Variants in IL1RAPL1 observed in about 807,000 individuals in gnomAD.
IL1RAPL1 encodes the protein interleukin-1 receptor accessory protein-like 1.
Under a neutral mutation model 48.4 loss-of-function variants are expected in IL1RAPL1, and 3 were observed. The ratio of observed to expected loss-of-function variants is 0.06; its 90% confidence interval spans 0.03 to 0.16. The LOEUF is 0.16. IL1RAPL1 is among the 10% of genes least tolerant of loss of function. IL1RAPL1 has a pLI of 1.00. For synonymous variants in IL1RAPL1, 185 were observed against 187.7 expected, an observed-to-expected ratio of 0.99 and a Z score of 0.12; for missense variants, 349 against 530.6, an observed-to-expected ratio of 0.66 and a Z score of 3.36.
At chrX:29,003,949 C>G (rs1925916358) in intron 2 of IL1RAPL1, among the ~76,000 whole-genome samples, 1 of 111,557 alleles carries the variant, frequency 9.0e-6, no homozygotes, top group Admixed American at 9.5e-5. Context: ...TGAGACCAAC[C>G]CGGCCAACAT....
intron 2 of IL1RAPL1, among the ~76,000 whole-genome samples, chrX:28,814,074 A>T (rs1276378980): frequency 3.6e-5 from 4 of 110,478 alleles, no homozygotes; most frequent in Non-Finnish European, 5.7e-5. Context: ...AATTAGAAAG[A>T]AAGAGAAATG....
intron 2 of IL1RAPL1, among the ~76,000 whole-genome samples, chrX:28,851,347 C>T (rs1287582758): frequency 1.8e-5 from 2 of 110,812 alleles, no homozygotes; most frequent in Non-Finnish European, 3.8e-5. Flanking sequence ...TGTGGATAGC[C>T]TCCCAGAGTT....
intron 2 of IL1RAPL1, among the ~76,000 whole-genome samples, chrX:29,194,922 C>G (rs956015195): frequency 3.6e-5 from 4 of 110,282 alleles, no homozygotes; most frequent in Non-Finnish European, 7.6e-5. Flanking sequence ...TATTGGAGAT[C>G]AAGTTCCACA....
Position 29,680,468 on chromosome X carries a change from G to A in IL1RAPL1, c.778+11964G>A, listed in dbSNP as rs144195276. Among the ~76,000 whole-genome samples the A allele has an allele frequency of 5.6e-3, 619 of 110,770 alleles. 3 individuals are homozygous for A. The highest frequency in any genetic ancestry group is 0.019 in the African/African-American group (576 of 30,440). On this transcript the variant is annotated intron_variant, in intron 6 of 10. Coordinates refer to ENST00000378993, the MANE Select transcript of IL1RAPL1 (RefSeq NM_014271.4). ...ATCACTATGGCATTAGAGGTGAGGG[G>A]CATTGGCTCAGTGGCTGTTGTGTGT... is the stretch of plus-strand genomic sequence containing the variant.
At chrX:29,700,500 A>G (rs1281883642) in intron 6 of IL1RAPL1, among the ~76,000 whole-genome samples, 1 of 112,017 alleles carries the variant, frequency 8.9e-6, no homozygotes, top group Non-Finnish European at 1.9e-5. Context: ...AATGGATGTG[A>G]AAAATGAAGG....
chrX:29,943,471 G>A (rs1340446463), intron 9 of IL1RAPL1, among the ~76,000 whole-genome samples: 1 of 111,923 alleles, frequency 8.9e-6, no homozygotes, highest in Non-Finnish European at 1.9e-5. Context: ...AAGTGTCCAA[G>A]ATGGGATTTG....
intron 2 of IL1RAPL1, among the ~76,000 whole-genome samples, chrX:28,814,691 A>G (rs1936839817): frequency 9.0e-6 from 1 of 110,526 alleles, no homozygotes; most frequent in African/African-American, 3.3e-5. Flanking sequence ...GATTATTGAA[A>G]TAGTTGGGTT....
chrX:29,926,104 G>A (rs1015217120), intron 8 of IL1RAPL1, among the ~76,000 whole-genome samples: 1 of 110,930 alleles, frequency 9.0e-6, no homozygotes, highest in African/African-American at 3.3e-5. Context: ...CACCTCCTGA[G>A]TTCAAGCAAT....
At chrX:28,842,977 T>C (rs1437239206) in intron 2 of IL1RAPL1, among the ~76,000 whole-genome samples, 1 of 108,813 alleles carries the variant, frequency 9.2e-6, no homozygotes, top group Non-Finnish European at 1.9e-5. Context: ...ATACTAGAAA[T>C]GCAAGCAAGT....
chrX:29,442,526 A>G (rs760438666), intron 5 of IL1RAPL1, among the ~76,000 whole-genome samples: 5 of 111,729 alleles, frequency 4.5e-5, no homozygotes, highest in Non-Finnish European at 7.5e-5. Flanking sequence ...CAAAACAAAA[A>G]CACACAAAGT....
At chrX:29,368,091 A>G (rs1455290586) in intron 3 of IL1RAPL1, among the ~76,000 whole-genome samples, 3 of 111,333 alleles carry the variant, frequency 2.7e-5, no homozygotes, top group Non-Finnish European at 5.7e-5. Context: ...AAGGATGATT[A>G]TGTTTGCACT....
chrX:28,889,903 A>G (rs746568568), intron 2 of IL1RAPL1, among the ~76,000 whole-genome samples: 1 of 111,060 alleles, frequency 9.0e-6, no homozygotes, highest in African/African-American at 3.3e-5. Context: ...TAAATCCTCT[A>G]TATTTTCTTA....
chrX:29,911,072 G>A (rs1338290737), intron 6 of IL1RAPL1, among the ~76,000 whole-genome samples: 2 of 111,714 alleles, frequency 1.8e-5, no homozygotes, highest in Admixed American at 9.5e-5. Flanking sequence ...CTTAGCAGCA[G>A]TATTCACAAT....
At chrX:29,121,197 T>C (rs1415997064) in intron 2 of IL1RAPL1, among the ~76,000 whole-genome samples, 3 of 111,828 alleles carry the variant, frequency 2.7e-5, no homozygotes, top group Non-Finnish European at 3.8e-5. Flanking sequence ...ATGACTCCAC[T>C]CACCACTGCT....
At chrX:28,870,899 T>C (rs1922190276) in intron 2 of IL1RAPL1, among the ~76,000 whole-genome samples, 1 of 111,912 alleles carries the variant, frequency 8.9e-6, no homozygotes, top group Admixed American at 9.6e-5. Flanking sequence ...TGTATGGGAA[T>C]TGTACTCAAG....
chrX:29,139,841 A>T lies in IL1RAPL1; in HGVS notation c.83-143097A>T, dbSNP rs1284539832. Among the ~76,000 whole-genome samples, 4 of 63,476 alleles carry T rather than the reference A, an allele frequency of 6.3e-5. No homozygotes were observed. The East Asian group carries it at 1.5e-3, about 24-fold the overall frequency. 55.1% of individuals were successfully genotyped at this position (63,476 alleles called of 115,157 possible). A position where few individuals can be genotyped will look rare whatever the true frequency, so the allele number is the denominator to read the frequency against. On this transcript the variant is annotated intron_variant, in intron 2 of 10. Coordinates refer to ENST00000378993, the MANE Select transcript of IL1RAPL1 (RefSeq NM_014271.4). ...ATTCTGGAATAAGATGTCATATAGT[A>T]ACATAAAATTTATATTAATGTATGT...
chrX:29,816,851 C>G (rs1440556543), intron 6 of IL1RAPL1, among the ~76,000 whole-genome samples: 1 of 110,240 alleles, frequency 9.1e-6, no homozygotes, highest in Admixed American at 9.7e-5. Flanking sequence ...GGAAACAATA[C>G]AATTTTGTAA....
chrX:28,903,670 G>C (rs1431006379), intron 2 of IL1RAPL1, among the ~76,000 whole-genome samples: 1 of 110,135 alleles, frequency 9.1e-6, no homozygotes, highest in Non-Finnish European at 1.9e-5. Flanking sequence ...AGCAATTTCT[G>C]ATTATGCATG....
At chrX:28,820,814 T>C (rs1936928820) in intron 2 of IL1RAPL1, among the ~76,000 whole-genome samples, 1 of 111,374 alleles carries the variant, frequency 9.0e-6, no homozygotes, top group Non-Finnish European at 1.9e-5. Flanking sequence ...ATCTGTCATC[T>C]GATTTTGCTA....
Sources: gnomAD v4.1 joint callset for allele counts (sites outside exome capture counted in the v4.1 genomes callset) on GRCh38, gnomAD v4.1.1 for gene constraint, MANE v1.5 for transcripts, NCBI Gene and HGNC (gene_info 2026-07-23, HGNC 2026-07-21) for gene names.